ATRNL1: variants seen among roughly 807,000 people sequenced by gnomAD.
ATRNL1 encodes the protein attractin-like protein 1.
In ATRNL1, 95 loss-of-function variants were observed where a neutral mutation model predicts 182.7. That is an observed-to-expected ratio of 0.52 (90% CI 0.44 to 0.62). The LOEUF is 0.62. ATRNL1 is among the 20% of genes least tolerant of loss of function. ATRNL1 has a pLI of 0.00. For missense variants in ATRNL1, 1,471 were observed against 1,679.5 expected (o/e 0.88, Z 2.17); for synonymous variants, 576 against 568.3 (o/e 1.01, Z -0.19).
intron 13 of ATRNL1, among the ~76,000 whole-genome samples, chr10:115,271,082 T>C (rs1353028949): frequency 6.6e-6 from 1 of 151,908 alleles, no homozygotes; most frequent in African/African-American, 2.4e-5. Flanking sequence ...TACTATGATG[T>C]AAAATCAACA....
At chr10:115,582,777 T>C (rs200374438) in intron 26 of ATRNL1, among the ~76,000 whole-genome samples, 66,416 of 144,666 alleles carry the variant, frequency 0.46, 16,623 homozygotes, top group East Asian at 0.83. Context: ...ATTTTGGCTT[T>C]TGTTGCCATT....
chr10:115,573,968 G>A (rs1260631019), intron 26 of ATRNL1, among the ~76,000 whole-genome samples: 4 of 152,252 alleles, frequency 2.6e-5, no homozygotes, highest in East Asian at 1.9e-4. Context: ...TTCTGTGTCC[G>A]ATTGTAGGAG....
chr10:115,589,212 T>C (rs529329852), intron 26 of ATRNL1, among the ~76,000 whole-genome samples: 22 of 152,334 alleles, frequency 1.4e-4, no homozygotes, highest in African/African-American at 5.0e-4. Flanking sequence ...AAACTTATGA[T>C]CTGTAAAACA....
intron 27 of ATRNL1, among the ~76,000 whole-genome samples, chr10:115,761,920 C>T (rs1948742201): frequency 6.6e-6 from 1 of 152,134 alleles, no homozygotes; most frequent in African/African-American, 2.4e-5. Context: ...TACTTTCCTC[C>T]CTTAAGAAGA....
chr10:115,569,355 T>G (rs1443385247), intron 26 of ATRNL1, among the ~76,000 whole-genome samples: 2 of 152,226 alleles, frequency 1.3e-5, no homozygotes, highest in African/African-American at 4.8e-5. Context: ...TGTGCAGGTA[T>G]AATTATAGGA....
intron 19 of ATRNL1, among the ~76,000 whole-genome samples, chr10:115,370,801 G>T (rs1412709043): frequency 3.3e-5 from 5 of 151,758 alleles, no homozygotes; most frequent in Admixed American, 3.3e-4. Flanking sequence ...TAAGTAATGA[G>T]GAGCTGAATG....
At chr10:115,376,611 A>C (rs1416328170) in intron 19 of ATRNL1, among the ~76,000 whole-genome samples, 1 of 152,182 alleles carries the variant, frequency 6.6e-6, no homozygotes, top group Admixed American at 6.6e-5. Flanking sequence ...CTTCTGCCTC[A>C]GCCTTTCAAA....
At chr10:115,473,277 C>T (rs797033934) in intron 24 of ATRNL1, among the ~76,000 whole-genome samples, 3 of 151,342 alleles carry the variant, frequency 2.0e-5, no homozygotes, top group Non-Finnish European at 3.0e-5. Context: ...TTTGCATTTA[C>T]ATTTATCAAG....
chr10:115,364,096 A>C (rs1179197776), intron 19 of ATRNL1, among the ~76,000 whole-genome samples: 21 of 148,202 alleles, frequency 1.4e-4, no homozygotes, highest in African/African-American at 5.2e-4. Flanking sequence ...TTGAATCTGT[A>C]AATTACCTTG....
At chr10:115,829,979 T>G (rs566843181) in intron 27 of ATRNL1, among the ~76,000 whole-genome samples, 14 of 152,318 alleles carry the variant, frequency 9.2e-5, no homozygotes, top group African/African-American at 2.9e-4. Context: ...CTGACTCTAT[T>G]CTACAGTAAG....
intron 24 of ATRNL1, among the ~76,000 whole-genome samples, chr10:115,482,902 A>G (rs1167302681): frequency 2.0e-5 from 3 of 151,422 alleles, no homozygotes; most frequent in African/African-American, 4.8e-5. Flanking sequence ...ATTCGTTTAC[A>G]TATTCTTTGC....
intron 28 of ATRNL1, among the ~76,000 whole-genome samples, chr10:115,861,533 A>G (rs1951316458): frequency 6.6e-6 from 1 of 152,072 alleles, no homozygotes; most frequent in Admixed American, 6.5e-5. Flanking sequence ...AAAATGATAA[A>G]CCACCCTAAT....
Position 115,942,606 on chromosome 10 carries a change from C to T in ATRNL1, c.4019-2052C>T, listed in dbSNP as rs182904930. ...TGCCAGGAAATATGTGAAGCTTACC[C>T]AGAATTAACTGACCCACAGGAATAA... On this transcript the variant is annotated intron_variant, in intron 28 of 28. Transcript: ENST00000355044. Among the ~76,000 whole-genome samples the T allele has an allele frequency of 8.5e-5, 13 of 152,294 alleles. No homozygotes were observed. The East Asian group carries it at 1.9e-3, about 23-fold the overall frequency.
chr10:115,115,727 A>G (rs1844455268), intron 1 of ATRNL1, among the ~76,000 whole-genome samples: 2 of 152,088 alleles, frequency 1.3e-5, no homozygotes, highest in South Asian at 4.1e-4. Context: ...ATATTCTGTG[A>G]TAAACAGGAT....
chr10:115,192,109 C>G (rs374449694), intron 8 of ATRNL1, among the ~76,000 whole-genome samples: 95 of 152,006 alleles, frequency 6.2e-4, no homozygotes, highest in African/African-American at 2.1e-3. Flanking sequence ...TGATGTGATG[C>G]CTTTGCCCAT....
chr10:115,816,754 T>G (rs1555088703), intron 27 of ATRNL1, among the ~76,000 whole-genome samples: 1 of 152,044 alleles, frequency 6.6e-6, no homozygotes, highest in East Asian at 1.9e-4. Context: ...TTTCTTCACG[T>G]AATGCCTGTC....
At position 115,947,060 on chromosome 10, in the gene ATRNL1, A is replaced by G. The variant is rs548184099; in HGVS notation, c.*2281A>G. On this transcript the variant is annotated 3_prime_UTR_variant, in exon 29 of 29. Coordinates refer to ENST00000355044, the MANE Select transcript of ATRNL1 (RefSeq NM_207303.4). ...TGATGTTTAGTTAAAGTCATGCTATACCTTTCTGGGCCACATATTGCTAAC... is the reference window on the plus strand; with the variant it reads ...TGATGTTTAGTTAAAGTCATGCTATGCCTTTCTGGGCCACATATTGCTAAC... 5.1e-4 allele frequency: 78 copies of G among 152,744 alleles called. 1 individual carries two copies. Among genetic ancestry groups the G allele is most frequent in the African/African-American group, 1.6e-3 (68 of 41,572 alleles). 9.5% of individuals were successfully genotyped at this position (152,744 alleles called of 1,614,324 possible).
chr10:115,414,617 A>G (rs1272771279), intron 20 of ATRNL1, among the ~76,000 whole-genome samples: 1 of 151,944 alleles, frequency 6.6e-6, no homozygotes, highest in Non-Finnish European at 1.5e-5. Flanking sequence ...CTCTTCCAGT[A>G]GGTAACCAAT....
At position 115,459,419 on chromosome 10, in the gene ATRNL1, G is replaced by C. The variant is rs954099837; in HGVS notation, c.3323-2522G>C. Among the ~76,000 whole-genome samples, 20 of 152,072 alleles carry C rather than the reference G, an allele frequency of 1.3e-4. 1 individual carries two copies. The highest frequency in any genetic ancestry group is 4.4e-5 in the Non-Finnish European group (3 of 68,010). On this transcript the variant is annotated intron_variant, in intron 21 of 28. Coordinates refer to ENST00000355044, the MANE Select transcript of ATRNL1 (RefSeq NM_207303.4). ...GGAAAGTCCCTGAGAAAGAGAATGCGCACCTAGGGGTAGGTCTCTGAACTG... is the reference window on the plus strand; with the variant it reads ...GGAAAGTCCCTGAGAAAGAGAATGCCCACCTAGGGGTAGGTCTCTGAACTG...
Sources: allele counts gnomAD v4.1 joint callset (sites outside exome capture counted in the v4.1 genomes callset), GRCh38; gene constraint gnomAD v4.1.1; transcripts MANE v1.5; gene names NCBI Gene and HGNC (gene_info 2026-07-23, HGNC 2026-07-21).